The following MAD1L1 variants were observed in gnomAD, a reference collection of about 807,000 sequenced individuals.
MAD1L1 encodes the protein mitotic arrest deficient 1 like 1.
Under a neutral mutation model 96.9 loss-of-function variants are expected in MAD1L1, and 95 were observed. The ratio of observed to expected loss-of-function variants is 0.98; its 90% CI spans 0.83 to 1.16. The LOEUF (loss-of-function observed/expected upper bound fraction) is 1.16, where lower values mean the gene tolerates loss of function less well. Among genes scored for constraint, MAD1L1 ranks in the 50% most tolerant of loss-of-function variants. The probability of loss-of-function intolerance (pLI) is 0.00; values close to 1 mark genes in which losing one functional copy is unlikely to be tolerated. For missense variants in MAD1L1, 1,007 were observed against 954.4 expected (o/e 1.06, Z -0.73); for synonymous variants, 473 against 396.6 (o/e 1.19, Z -2.29).
At chr7:2,150,818 G>A (rs909687389) in intron 10 of MAD1L1, among the ~76,000 whole-genome samples, 1 of 152,102 alleles carries the variant, frequency 6.6e-6, no homozygotes, top group Non-Finnish European at 1.5e-5. Flanking sequence ...TCCCTTCCAC[G>A]TCCCCCAGAG....
intron 11 of MAD1L1, among the ~76,000 whole-genome samples, chr7:2,078,709 G>T (rs1215682151): frequency 1.3e-5 from 2 of 152,224 alleles, no homozygotes; most frequent in African/African-American, 4.8e-5. Flanking sequence ...CAGAATCTGG[G>T]AGGAAAGCAG....
At chr7:2,127,663 C>T (rs1788297042) in intron 11 of MAD1L1, among the ~76,000 whole-genome samples, 3 of 152,226 alleles carry the variant, frequency 2.0e-5, no homozygotes, top group Non-Finnish European at 4.4e-5. Flanking sequence ...GAGGAGCGGA[C>T]CCACAGGAAC....
At chr7:1,891,656 C>T (rs987260419) in intron 18 of MAD1L1, among the ~76,000 whole-genome samples, 32 of 152,116 alleles carry the variant, frequency 2.1e-4, no homozygotes, top group African/African-American at 5.3e-4. Context: ...TAGTTTTCAC[C>T]GCAGCCTCTA....
At chr7:1,879,325 G>A (rs780312520) in intron 18 of MAD1L1, among the ~76,000 whole-genome samples, 15 of 152,158 alleles carry the variant, frequency 9.9e-5, no homozygotes, top group Admixed American at 2.0e-4. Context: ...TGTGGTGGCA[G>A]GCGCCTGTAA....
chr7:2,055,362 G>A (rs1243355927), intron 12 of MAD1L1, among the ~76,000 whole-genome samples: 1 of 152,132 alleles, frequency 6.6e-6, no homozygotes, highest in African/African-American at 2.4e-5. Flanking sequence ...GGCCCGCATC[G>A]TAGGGCACGA....
chr7:2,022,186 G>T (rs1782817286), intron 12 of MAD1L1, among the ~76,000 whole-genome samples: 2 of 152,204 alleles, frequency 1.3e-5, no homozygotes, highest in South Asian at 4.1e-4. Flanking sequence ...AATGTGTGGG[G>T]TGACGATGGT....
chr7:2,051,927 G>T (rs968371404), intron 12 of MAD1L1, among the ~76,000 whole-genome samples: 2 of 152,052 alleles, frequency 1.3e-5, no homozygotes, highest in Admixed American at 1.3e-4. Context: ...ATTTCACTGG[G>T]AAGTCTTTTG....
intron 12 of MAD1L1, among the ~76,000 whole-genome samples, chr7:2,060,132 G>A (rs67922140): frequency 0.13 from 18,193 of 145,482 alleles, 1,777 homozygotes; most frequent in African/African-American, 0.25. Context: ...CCGAGATGTC[G>A]AGATACGCAG....
intron 16 of MAD1L1, among the ~76,000 whole-genome samples, chr7:1,941,861 A>C (rs944809720): frequency 1.1e-4 from 14 of 126,240 alleles, no homozygotes; most frequent in Non-Finnish European, 1.8e-4. Context: ...GGGCGAGGGA[A>C]GTGGGAGGAC....
intron 18 of MAD1L1, among the ~76,000 whole-genome samples, chr7:1,868,726 G>A (rs959968546): frequency 2.6e-5 from 4 of 152,206 alleles, no homozygotes; most frequent in African/African-American, 9.6e-5. Flanking sequence ...TCTCACAGTT[G>A]GGGATGCGGC....
intron 17 of MAD1L1, among the ~76,000 whole-genome samples, chr7:1,935,400 C>A (rs73050180): frequency 0.034 from 5,160 of 152,326 alleles, 195 homozygotes; most frequent in Admixed American, 0.099. Flanking sequence ...ACAGGCCCCC[C>A]CTTCTGGCTT....
At chr7:2,213,395 G>A in intron 9 of MAD1L1, 122 bp from the exon 10 acceptor site, 1 of 880,408 alleles carries the variant, frequency 1.1e-6, no homozygotes, top group Non-Finnish European at 1.9e-6. Context: ...CCTCATCTCT[G>A]AGCTGGGCGC....
intron 15 of MAD1L1, among the ~76,000 whole-genome samples, chr7:1,964,828 G>C (rs1780092969): frequency 6.6e-6 from 1 of 152,204 alleles, no homozygotes; most frequent in Non-Finnish European, 1.5e-5. Flanking sequence ...TGTTTTTGCT[G>C]AACTAAAAGA....
intron 10 of MAD1L1, among the ~76,000 whole-genome samples, chr7:2,186,580 C>T (rs139816710): frequency 6.6e-6 from 1 of 152,320 alleles, no homozygotes; most frequent in Non-Finnish European, 1.5e-5. Flanking sequence ...TAATTCTGTA[C>T]TGTTTGAGCT....
chr7:2,168,006 C>T (rs145509436), intron 10 of MAD1L1, among the ~76,000 whole-genome samples: 475 of 152,294 alleles, frequency 3.1e-3, no homozygotes, highest in Non-Finnish European at 5.2e-3. Flanking sequence ...GTAAATTGGA[C>T]GGGCATGGTG....
chr7:1,952,894 G>C (rs1271729514), intron 16 of MAD1L1, among the ~76,000 whole-genome samples: 1 of 152,236 alleles, frequency 6.6e-6, no homozygotes, highest in African/African-American at 2.4e-5. Flanking sequence ...GCGAGCGGGA[G>C]AGGCCAGACC....
chr7:2,034,757 CA>C (rs1296625510), intron 12 of MAD1L1, among the ~76,000 whole-genome samples: 1 of 152,172 alleles, frequency 6.6e-6, no homozygotes, highest in Non-Finnish European at 1.5e-5. Context: ...AATGAATGAA[CA>C]GGGGAGGAAA....
At chr7:1,995,235 G>A (rs184709896) in intron 14 of MAD1L1, among the ~76,000 whole-genome samples, 31 of 152,326 alleles carry the variant, frequency 2.0e-4, no homozygotes, top group Non-Finnish European at 2.2e-4. Flanking sequence ...CTCGGGGCAC[G>A]CACTGAGGAT....
At chr7:1,908,935 C>T (rs904173245) in intron 17 of MAD1L1, among the ~76,000 whole-genome samples, 1 of 152,222 alleles carries the variant, frequency 6.6e-6, no homozygotes, top group Non-Finnish European at 1.5e-5. Context: ...GCATGAGCAG[C>T]GGCCCCAGGG....
Sources: allele counts gnomAD v4.1 joint callset (sites outside exome capture counted in the v4.1 genomes callset), GRCh38; gene constraint gnomAD v4.1.1; transcripts MANE v1.5; gene names NCBI Gene and HGNC (gene_info 2026-07-23, HGNC 2026-07-21).